The following RBFOX3 variants were observed in gnomAD, a reference collection of about 807,000 sequenced individuals.
RBFOX3 encodes RNA binding fox-1 homolog 3.
In RBFOX3, 17 loss-of-function variants were observed where a neutral mutation model predicts 48.7. The ratio of observed to expected loss-of-function variants is 0.35; its 90% CI spans 0.24 to 0.52. RBFOX3 has a LOEUF of 0.52. Ranked by LOEUF, RBFOX3 falls within the 20% of genes least tolerant of loss-of-function variation. The probability of loss-of-function intolerance (pLI) is 0.94; values close to 1 mark genes in which losing one functional copy is unlikely to be tolerated. For synonymous variants in RBFOX3, 212 were observed against 209.5 expected, an observed-to-expected ratio of 1.01 and a Z score of -0.10; for missense variants, 382 against 497.5, an observed-to-expected ratio of 0.77 and a Z score of 2.21.
chr17:79,363,476 G>A lies in RBFOX3; in HGVS notation c.-174-55652C>T, dbSNP rs1027584283. Reference sequence around the variant, plus strand: ...AACTCTTCTGTCTGGCTGCCTCCTCGGCTTTTTCAAGAAGCCTCAGAAGTA... The same window carrying A: ...AACTCTTCTGTCTGGCTGCCTCCTCAGCTTTTTCAAGAAGCCTCAGAAGTA... On this transcript the variant is annotated intron_variant, in intron 2 of 14. Coordinates refer to ENST00000693108, the MANE Select transcript of RBFOX3 (RefSeq NM_001350451.2). The surrounding 1 kb of genome is among the most constrained non-coding windows in gnomAD (Gnocchi z 4.7). Among the ~76,000 whole-genome samples, 3 of 151,974 alleles carry A rather than the reference G, an allele frequency of 2.0e-5. No individual in the cohort carries two copies. Among genetic ancestry groups the A allele is most frequent in the East Asian group, 1.9e-4 (1 of 5,178 alleles).
rs2078629537 is a variant in RBFOX3 at position 79,480,540 on chromosome 17, G to T, written c.-175+1914C>A. Among the ~76,000 whole-genome samples, 1 of 152,112 alleles carries T rather than the reference G, an allele frequency of 6.6e-6. No individual in the cohort carries two copies. Among genetic ancestry groups the T allele is most frequent in the South Asian group, 2.1e-4 (1 of 4,822 alleles). Reference sequence around the variant, plus strand: ...CCTCAGTCCCAACCTAAAGGCCTCTGCATCCAGCCCTGGACCCTCTTCGTC... The same window carrying T: ...CCTCAGTCCCAACCTAAAGGCCTCTTCATCCAGCCCTGGACCCTCTTCGTC... On this transcript the variant is annotated intron_variant, in intron 2 of 14. Coordinates refer to ENST00000693108, the MANE Select transcript of RBFOX3 (RefSeq NM_001350451.2). This position sits in a 1 kb window ranked among gnomAD's most constrained non-coding sequence, Gnocchi z 4.8.
chr17:79,201,284 G>A (rs1418358785), intron 4 of RBFOX3, among the ~76,000 whole-genome samples: 1 of 152,156 alleles, frequency 6.6e-6, no homozygotes, highest in Admixed American at 6.5e-5. Flanking sequence ...GTAATGGGCT[G>A]AGAGAGGGAA....
chr17:79,437,518 T>G (rs942233939), intron 2 of RBFOX3, among the ~76,000 whole-genome samples: 2 of 152,198 alleles, frequency 1.3e-5, no homozygotes, highest in African/African-American at 4.8e-5. Flanking sequence ...GCTGGAGAGC[T>G]GGCAGAGCCC....
At chr17:79,396,001 G>A (rs1238253114) in intron 2 of RBFOX3, among the ~76,000 whole-genome samples, 1 of 152,234 alleles carries the variant, frequency 6.6e-6, no homozygotes, top group Non-Finnish European at 1.5e-5. Flanking sequence ...TCCGTTCCAG[G>A]ATCCGGGTCT....
At chr17:79,636,666 A>C in the RBFOX3 span, among the ~76,000 whole-genome samples, 1 of 152,152 alleles carries the variant, frequency 6.6e-6, no homozygotes, top group Non-Finnish European at 1.5e-5. Flanking sequence ...TAAAATCTCT[A>C]GTGGATACAC....
At chr17:79,403,782 C>CTTTTTT (rs781618072) in intron 2 of RBFOX3, among the ~76,000 whole-genome samples, 59 of 124,352 alleles carry the variant, frequency 4.7e-4, no homozygotes, top group Non-Finnish European at 7.6e-4. Context: ...TGTTCTTTTT[C>CTTTTTT]TTTTTTTTTT....
chr17:79,449,063 T>C (rs2072940539), intron 2 of RBFOX3, among the ~76,000 whole-genome samples: 1 of 151,628 alleles, frequency 6.6e-6, no homozygotes, highest in African/African-American at 2.4e-5. Flanking sequence ...GGTGCACAGG[T>C]ATTAGTCAAG....
intron 2 of RBFOX3, among the ~76,000 whole-genome samples, chr17:79,430,201 T>G (rs72853544): frequency 0.23 from 34,904 of 151,992 alleles, 4,778 homozygotes; most frequent in Non-Finnish European, 0.3. Context: ...CCCAGTCACT[T>G]CGAGAGCCAT....
At chr17:79,162,647 G>A (rs2047200561) in intron 4 of RBFOX3, among the ~76,000 whole-genome samples, 1 of 152,238 alleles carries the variant, frequency 6.6e-6, no homozygotes, top group South Asian at 2.1e-4. Context: ...GTTAAATGGA[G>A]AGGAAGGAGC....
At chr17:79,147,570 C>T (rs1192344241) in intron 4 of RBFOX3, among the ~76,000 whole-genome samples, 1 of 152,178 alleles carries the variant, frequency 6.6e-6, no homozygotes, top group African/African-American at 2.4e-5. Flanking sequence ...GGGGGCTCAC[C>T]TTCTGGTAAG....
At chr17:79,202,437 C>T (rs906170637) in intron 4 of RBFOX3, among the ~76,000 whole-genome samples, 2 of 152,164 alleles carry the variant, frequency 1.3e-5, no homozygotes, top group Admixed American at 6.5e-5. Context: ...GTAGAGTCTG[C>T]CACTGCTAGG....
intron 2 of RBFOX3, among the ~76,000 whole-genome samples, chr17:79,439,795 C>T (rs1478126435): frequency 1.3e-5 from 2 of 152,282 alleles, no homozygotes; most frequent in Non-Finnish European, 2.9e-5. Flanking sequence ...TACATGCACA[C>T]ACACACATAC....
At chr17:79,468,969 T>TGGAC (rs2076705153) in intron 2 of RBFOX3, among the ~76,000 whole-genome samples, 1 of 148,758 alleles carries the variant, frequency 6.7e-6, no homozygotes, top group East Asian at 2.0e-4. Context: ...GATGGATGGA[T>TGGAC]GGATGGATGG....
chr17:79,495,919 G>A (rs2149670991), intron 1 of RBFOX3, among the ~76,000 whole-genome samples: 1 of 152,066 alleles, frequency 6.6e-6, no homozygotes, highest in East Asian at 1.9e-4. Flanking sequence ...TCCAGCCTCG[G>A]CACAGCCTGA....
At chr17:79,261,230 G>A (rs1356066644) in intron 3 of RBFOX3, among the ~76,000 whole-genome samples, 1 of 152,100 alleles carries the variant, frequency 6.6e-6, no homozygotes, top group Non-Finnish European at 1.5e-5. Flanking sequence ...ATTTTTATCT[G>A]CTTTGTCTCC....
intron 5 of RBFOX3, among the ~76,000 whole-genome samples, chr17:79,114,412 G>C (rs1364056050): frequency 2.0e-5 from 3 of 152,196 alleles, no homozygotes; most frequent in South Asian, 2.1e-4. Flanking sequence ...AGGGAGGAAA[G>C]GCACCGCCTG....
At chr17:79,619,499 C>T in the RBFOX3 span, among the ~76,000 whole-genome samples, 4 of 152,316 alleles carry the variant, frequency 2.6e-5, no homozygotes, top group African/African-American at 7.2e-5. Context: ...GCAGCCTTCT[C>T]CTCTGCCCTT....
the RBFOX3 span, among the ~76,000 whole-genome samples, chr17:79,641,553 T>C: frequency 1.3e-5 from 2 of 152,176 alleles, no homozygotes; most frequent in East Asian, 3.9e-4. Context: ...GGGAAACAAC[T>C]TAAGTGTCCA....
rs1055581147 is a variant in RBFOX3 at position 79,220,647 on chromosome 17, G to A, written c.-34+15119C>T. On this transcript the variant is annotated intron_variant, in intron 4 of 14. Coordinates refer to ENST00000693108, the MANE Select transcript of RBFOX3 (RefSeq NM_001350451.2). The surrounding 1 kb of genome is among the most constrained non-coding windows in gnomAD (Gnocchi z 5.9). ...GGACACAAAACCTTCCAGCCTAGCA[G>A]ATCTCACGGATACCGGAATGGGGAG... Among the ~76,000 whole-genome samples the A allele has an allele frequency of 6.6e-6, 1 of 152,070 alleles. No individual in the cohort carries two copies. The highest frequency in any genetic ancestry group is 1.5e-5 in the Non-Finnish European group (1 of 68,010).
Sources: gnomAD v4.1 joint callset for allele counts (sites outside exome capture counted in the v4.1 genomes callset) on GRCh38, gnomAD v4.1.1 for gene constraint, Gnocchi (gnomAD v3.1) non-coding constraint, MANE v1.5 for transcripts, NCBI Gene and HGNC (gene_info 2026-07-23, HGNC 2026-07-21) for gene names.